Variants in PREX2 observed in about 807,000 individuals in gnomAD.
PREX2 encodes the protein phosphatidylinositol-3,4,5-trisphosphate dependent Rac exchange factor 2, also known as phosphatidylinositol 3,4,5-trisphosphate-dependent Rac exchanger 2 protein.
In PREX2, 107 loss-of-function variants were observed where a neutral mutation model predicts 203.2. That is an observed-to-expected ratio of 0.53 (90% CI 0.45 to 0.62). The LOEUF (loss-of-function observed/expected upper bound fraction) is 0.62, where lower values mean the gene tolerates loss of function less well. Ranked by LOEUF, PREX2 falls within the 20% of genes least tolerant of loss-of-function variation. The pLI is 0.00. For missense variants in PREX2, 1,777 were observed against 1,955.9 expected, an observed-to-expected ratio of 0.91 and a Z score of 1.72; for synonymous variants, 672 against 663.6, an observed-to-expected ratio of 1.01 and a Z score of -0.19.
chr8:68,203,849 C>T (rs1273691992), intron 37 of PREX2, among the ~76,000 whole-genome samples: 2 of 152,088 alleles, frequency 1.3e-5, no homozygotes, highest in Non-Finnish European at 1.5e-5. Context: ...AATGATGGTC[C>T]AGTGTCAAAG....
intron 39 of PREX2, among the ~76,000 whole-genome samples, chr8:68,229,124 A>G (rs984124111): frequency 6.6e-6 from 1 of 152,130 alleles, no homozygotes; most frequent in Non-Finnish European, 1.5e-5. Flanking sequence ...GTCTCCTTTC[A>G]CATAACTTTT....
At chr8:68,150,309 GC>G (rs1025209190) in intron 34 of PREX2, among the ~76,000 whole-genome samples, 25 of 152,240 alleles carry the variant, frequency 1.6e-4, no homozygotes, top group African/African-American at 5.5e-4. Context: ...ATTCGCTATA[GC>G]CCTTGCAGCC....
intron 1 of PREX2, among the ~76,000 whole-genome samples, chr8:67,975,694 CTTT>C (rs67614434): frequency 0.019 from 1,453 of 75,016 alleles, 139 homozygotes; most frequent in Non-Finnish European, 0.023. Flanking sequence ...ATTTCTCTTT[CTTT>C]TTTTTTTTTT....
intron 1 of PREX2, among the ~76,000 whole-genome samples, chr8:67,991,483 G>A (rs1806606606): frequency 6.6e-6 from 1 of 152,192 alleles, no homozygotes; most frequent in South Asian, 2.1e-4. Context: ...ATGGCGGAAG[G>A]TAAAGGGGAA....
At chr8:67,996,921 C>A (rs532294046) in intron 1 of PREX2, among the ~76,000 whole-genome samples, 1 of 152,266 alleles carries the variant, frequency 6.6e-6, no homozygotes, top group Admixed American at 6.5e-5. Flanking sequence ...ATTCAACTGG[C>A]ATCTTATTAG....
In PREX2 at chr8:68,060,744, G is replaced by T. The variant is rs993179244; in HGVS notation, c.1304G>T (p.Gly435Val). 6.2e-7 allele frequency: 1 copy of T among 1,611,978 alleles called. No homozygotes were observed. Among genetic ancestry groups the T allele is most frequent in the Non-Finnish European group, 8.5e-7 (1 of 1,179,048 alleles). The change falls in exon 11 of 40, where the codon GGA becomes GTA. Residue 435 changes from glycine (G) to valine (V), a missense_variant. Coordinates refer to ENST00000288368, the MANE Select transcript of PREX2 (RefSeq NM_024870.4). ...IHRPEEGVHL[G>V]QALLENGIIH... is the part of the protein sequence containing the mutation. ...AGGCCTGAGGAAGGCGTGCACTTGG[G>T]ACAAGCATTATTAGAAAATGGAATC...
At chr8:68,094,107 T>C (rs1451895994) in intron 21 of PREX2, among the ~76,000 whole-genome samples, 1 of 152,216 alleles carries the variant, frequency 6.6e-6, no homozygotes, top group Non-Finnish European at 1.5e-5. Flanking sequence ...GTTTGGAGTT[T>C]CAGTGTTGTT....
intron 1 of PREX2, among the ~76,000 whole-genome samples, chr8:68,003,888 C>T (rs1040322946): frequency 7.4e-5 from 10 of 134,606 alleles, no homozygotes; most frequent in Admixed American, 1.6e-4. Context: ...CTCACCCTCT[C>T]GCCAGGCTGG....
At chr8:68,140,724 G>C (rs1244284811) in intron 33 of PREX2, among the ~76,000 whole-genome samples, 3 of 152,132 alleles carry the variant, frequency 2.0e-5, no homozygotes, top group South Asian at 2.1e-4. Context: ...TAACTCACAG[G>C]GTTGAGGGAC....
intron 1 of PREX2, among the ~76,000 whole-genome samples, chr8:67,982,095 G>C (rs1806289289): frequency 6.6e-6 from 1 of 152,150 alleles, no homozygotes; most frequent in African/African-American, 2.4e-5. Context: ...TGTGACCTCA[G>C]GAAAGTTATG....
intron 18 of PREX2, among the ~76,000 whole-genome samples, chr8:68,085,417 T>A (rs1035409438): frequency 6.6e-6 from 1 of 152,232 alleles, no homozygotes; most frequent in Non-Finnish European, 1.5e-5. Context: ...GTATGAGTTC[T>A]ATAAATCACT....
chr8:68,211,490 C>T (rs1055155112), intron 37 of PREX2, among the ~76,000 whole-genome samples: 1 of 152,112 alleles, frequency 6.6e-6, no homozygotes, highest in East Asian at 1.9e-4. Context: ...AGAGGAGGCT[C>T]CTCTACACAG....
intron 4 of PREX2, among the ~76,000 whole-genome samples, chr8:68,025,935 G>A (rs1277964243): frequency 1.3e-5 from 2 of 152,266 alleles, no homozygotes; most frequent in East Asian, 3.9e-4. Flanking sequence ...CTTCAGTCCA[G>A]AGGTAGGTGA....
chr8:68,162,953 C>T (rs1030100364), intron 35 of PREX2, among the ~76,000 whole-genome samples: 3 of 152,214 alleles, frequency 2.0e-5, no homozygotes, highest in African/African-American at 7.2e-5. Context: ...ATAAACTTGT[C>T]TGACCAGCAA....
At chr8:68,046,195 C>A (rs921431084) in intron 8 of PREX2, among the ~76,000 whole-genome samples, 10 of 152,050 alleles carry the variant, frequency 6.6e-5, no homozygotes, top group Admixed American at 6.6e-4. Context: ...TGAATATCCA[C>A]CCCTTATGTC....
chr8:68,015,368 A>T (rs1807382805), intron 1 of PREX2, among the ~76,000 whole-genome samples: 1 of 152,220 alleles, frequency 6.6e-6, no homozygotes, highest in African/African-American at 2.4e-5. Context: ...TTGGTCAGAA[A>T]TGCTAACAAG....
chr8:68,229,938 A>G (rs1283620929), intron 39 of PREX2, among the ~76,000 whole-genome samples: 2 of 152,228 alleles, frequency 1.3e-5, no homozygotes, highest in Non-Finnish European at 2.9e-5. Context: ...TTTGAAGTAC[A>G]TCGGGTCAAT....
intron 22 of PREX2, among the ~76,000 whole-genome samples, chr8:68,098,938 GTATATATATATA>G (rs71253061): frequency 1.1e-3 from 117 of 109,808 alleles, no homozygotes; most frequent in African/African-American, 3.3e-3. Flanking sequence ...ATATATATGT[GTATATATATATA>G]TATATATATA....
chr8:68,012,334 T>C (rs1563499382), intron 1 of PREX2, among the ~76,000 whole-genome samples: 1 of 152,176 alleles, frequency 6.6e-6, no homozygotes, highest in Non-Finnish European at 1.5e-5. Context: ...ACCTAAGCTC[T>C]GAGATGATAG....
Sources: allele counts gnomAD v4.1 joint callset (sites outside exome capture counted in the v4.1 genomes callset), GRCh38; gene constraint gnomAD v4.1.1; transcripts MANE v1.5; gene names NCBI Gene and HGNC (gene_info 2026-07-23, HGNC 2026-07-21).